The following DMD variants were observed in gnomAD, a reference collection of about 807,000 sequenced individuals.
DMD encodes the protein mutant dystrophin.
Under a neutral mutation model 330.1 loss-of-function variants are expected in DMD, and 63 were observed. The ratio of observed to expected loss-of-function variants is 0.19; its 90% confidence interval spans 0.16 to 0.24. The LOEUF is 0.24. Ranked by LOEUF, DMD falls within the 10% of genes least tolerant of loss-of-function variation. The pLI, the probability that DMD is intolerant of heterozygous loss-of-function variation, is 1.00. For missense variants in DMD, 3,344 were observed against 2,684.1 expected, an observed-to-expected ratio of 1.25 and a Z score of -5.43; for synonymous variants, 1,223 against 959.8, an observed-to-expected ratio of 1.27 and a Z score of -5.07.
chrX:33,159,201 C>A (rs754882023), intron 1 of DMD: 1 of 111,873 alleles, frequency 8.9e-6, no homozygotes, highest in African/African-American at 3.2e-5. Context: ...TTCATAGACA[C>A]GGGCTTAGTG....
chrX:32,792,679 A>G (rs1179402433), intron 7 of DMD, among the ~76,000 whole-genome samples: 2 of 112,577 alleles, frequency 1.8e-5, no homozygotes, highest in East Asian at 5.5e-4. Flanking sequence ...ATGCTTACAT[A>G]AAACAGACTT....
chrX:32,274,363 T>C (rs941482333), intron 43 of DMD, among the ~76,000 whole-genome samples: 1 of 112,007 alleles, frequency 8.9e-6, no homozygotes, highest in African/African-American at 3.2e-5. Context: ...TGAGATTATG[T>C]GAATTTTATA....
intron 2 of DMD, among the ~76,000 whole-genome samples, chrX:32,942,662 G>A (rs1055480716): frequency 8.9e-6 from 1 of 112,199 alleles, no homozygotes; most frequent in Non-Finnish European, 1.9e-5. Context: ...AGCCCAACAC[G>A]GTAATAGACT....
intron 3 of DMD, 115 bp from the exon 4 acceptor site, chrX:32,844,975 T>G: frequency 1.6e-6 from 1 of 613,147 alleles, no homozygotes; most frequent in Non-Finnish European, 2.7e-6. Context: ...GAACAGAGCC[T>G]GTGAGGCATT....
intron 2 of DMD, among the ~76,000 whole-genome samples, chrX:32,864,865 G>C (rs956748919): frequency 8.9e-6 from 1 of 111,922 alleles, no homozygotes; most frequent in Non-Finnish European, 1.9e-5. Flanking sequence ...TATAATCCTT[G>C]AAGTTGATAA....
At chrX:33,186,001 C>G (rs1314036145) in intron 1 of DMD, among the ~76,000 whole-genome samples, 1 of 111,636 alleles carries the variant, frequency 9.0e-6, no homozygotes, top group African/African-American at 3.3e-5. Flanking sequence ...TAGTATTCCC[C>G]TCAGTTTTAT....
intron 16 of DMD, among the ~76,000 whole-genome samples, chrX:32,563,527 G>C (rs981636668): frequency 2.7e-5 from 3 of 110,473 alleles, no homozygotes; most frequent in Non-Finnish European, 5.7e-5. Context: ...AATGCATGTT[G>C]GACTTTATTT....
chrX:31,469,534 T>A (rs746057222), intron 59 of DMD, among the ~76,000 whole-genome samples: 73 of 112,367 alleles, frequency 6.5e-4, no homozygotes, highest in Non-Finnish European at 1.1e-3. Flanking sequence ...TTCTGCCAAA[T>A]GATCCGCTGT....
At chrX:31,477,443 G>A (rs2067871900) in intron 59 of DMD, among the ~76,000 whole-genome samples, 1 of 111,637 alleles carries the variant, frequency 9.0e-6, no homozygotes, top group African/African-American at 3.3e-5. Flanking sequence ...GACAATAGAT[G>A]AGTAGTTGCT....
At chrX:31,384,309 C>CACCACT (rs2060332079) in intron 60 of DMD, among the ~76,000 whole-genome samples, 2 of 91,313 alleles carry the variant, frequency 2.2e-5, no homozygotes, top group Non-Finnish European at 4.6e-5. Flanking sequence ...TATCCTGCTT[C>CACCACT]ACTACTACTA....
Position 32,411,862 on chromosome X carries a change from T to G in DMD, c.4123A>C (p.Thr1375Pro). The change falls in exon 30 of 79, where the codon ACT becomes CCT. Residue 1375 changes from threonine to proline, a missense_variant. Transcript: ENST00000357033. ...TGGATTAAGTGTAAGGATTTTTCAG[T>G]CTCCTGGGCAGACTGGATGCTCTGT... ...LEQSIQSAQE[T>P]EKSLHLIQES... 1 of 1,210,843 alleles carries G rather than the reference T, an allele frequency of 8.3e-7. No individual in the cohort carries two copies. The highest frequency in any genetic ancestry group is 1.1e-6 in the Non-Finnish European group (1 of 895,126).
intron 12 of DMD, among the ~76,000 whole-genome samples, chrX:32,603,543 A>G (rs1048036824): frequency 9.0e-6 from 1 of 111,394 alleles, no homozygotes; most frequent in African/African-American, 3.2e-5. Flanking sequence ...TGAGATAATA[A>G]AAGACAAAAA....
rs1361897282 is a variant in DMD at position 31,741,092 on chromosome X, C to G, written c.7543-11344G>C. 2.7e-5 allele frequency among the ~76,000 whole-genome samples: 3 copies of G among 111,935 alleles called. No individual in the cohort carries two copies. The East Asian group carries it at 8.4e-4, about 31-fold the overall frequency. Reference sequence around the variant, plus strand: ...AACTCTGGATCCGCTGAAGTTTTACCTTGAGATTACAGCTATTCAGTCACA... The same window carrying G: ...AACTCTGGATCCGCTGAAGTTTTACGTTGAGATTACAGCTATTCAGTCACA... On this transcript the variant is annotated intron_variant, in intron 51 of 78. Coordinates refer to ENST00000357033, the MANE Select transcript of DMD (RefSeq NM_004006.3).
chrX:31,223,163 A>C, intron 63 of DMD, 42 bp from the exon 64 acceptor site: 1 of 1,128,506 alleles, frequency 8.9e-7, no homozygotes, highest in East Asian at 3.0e-5. Context: ...ATTCCATCAG[A>C]AATAACAGAC....
At chrX:31,968,272 A>C (rs1443417413) in intron 45 of DMD, 67 bp downstream of exon 45, 2 of 1,142,797 alleles carry the variant, frequency 1.8e-6, no homozygotes, top group Admixed American at 4.4e-5. Context: ...CTCATGAAAT[A>C]TTCTTCTAAA....
intron 74 of DMD, among the ~76,000 whole-genome samples, chrX:31,166,137 T>C (rs778192217): frequency 9.8e-5 from 11 of 112,360 alleles, no homozygotes; most frequent in Non-Finnish European, 1.9e-4. Flanking sequence ...ATGCTACAAT[T>C]AAAATAAATT....
At chrX:31,211,694 G>C (rs1416843873) in intron 64 of DMD, among the ~76,000 whole-genome samples, 1 of 112,139 alleles carries the variant, frequency 8.9e-6, no homozygotes, top group Non-Finnish European at 1.9e-5. Context: ...ATGTTGAGTA[G>C]AAATAGCTCC....
chrX:31,825,840 A>G (rs988748116), intron 49 of DMD, among the ~76,000 whole-genome samples: 3 of 111,795 alleles, frequency 2.7e-5, no homozygotes, highest in Non-Finnish European at 5.7e-5. Flanking sequence ...GGAAAATGAG[A>G]TGGGTCACTA....
At chrX:32,493,346 C>T (rs890293104) in intron 19 of DMD, among the ~76,000 whole-genome samples, 3 of 111,463 alleles carry the variant, frequency 2.7e-5, no homozygotes, top group African/African-American at 6.5e-5. Context: ...CAAATATTAT[C>T]GTCAACTATT....
Sources: allele counts gnomAD v4.1 joint callset (sites outside exome capture counted in the v4.1 genomes callset), GRCh38; gene constraint gnomAD v4.1.1; transcripts MANE v1.5; gene names NCBI Gene and HGNC (gene_info 2026-07-23, HGNC 2026-07-21).